The following CRB1 variants were observed in gnomAD, a reference collection of about 807,000 sequenced individuals.
CRB1 encodes the protein protein crumbs homolog 1.
In CRB1, 83 loss-of-function variants were observed where a neutral mutation model predicts 120.0. The observed-to-expected ratio is 0.69, with a 90% CI of 0.58 to 0.83. The LOEUF (loss-of-function observed/expected upper bound fraction) is 0.83. Ranked by LOEUF, CRB1 falls within the 40% of genes least tolerant of loss-of-function variation. The pLI is 0.00. For missense variants in CRB1, 1,699 were observed against 1,687.6 expected (o/e 1.01, Z -0.12); for synonymous variants, 625 against 612.5 (o/e 1.02, Z -0.30).
chr1:197,288,614 A>C (rs1655974339), intron 1 of CRB1, among the ~76,000 whole-genome samples: 1 of 151,914 alleles, frequency 6.6e-6, no homozygotes, highest in Non-Finnish European at 1.5e-5. Context: ...ATGTTCAAAA[A>C]GTTAAGTAGA....
In CRB1 at chr1:197,356,922, GAAAC is replaced by G; in HGVS notation, c.1083_1086del (p.Lys361AsnfsTer90). The G allele has an allele frequency of 6.2e-7, 1 of 1,614,228 alleles. No individual in the cohort carries two copies. Among genetic ancestry groups the G allele is most frequent in the Non-Finnish European group, 8.5e-7 (1 of 1,180,040 alleles). On this transcript the variant is annotated frameshift_variant, in exon 5 of 12. Coordinates refer to ENST00000367400, the MANE Select transcript of CRB1 (RefSeq NM_201253.3). LOFTEE classifies it high-confidence loss of function. Reference sequence around the variant, plus strand: ...GGGAATGTGTGGAGCTGTCCTCAGAGAAACAATATGGACGCATCACTGGACTGCC... The same window carrying G: ...GGGAATGTGTGGAGCTGTCCTCAGAGAATATGGACGCATCACTGGACTGCC...
At chr1:197,304,711 T>G (rs1228982621) in intron 1 of CRB1, among the ~76,000 whole-genome samples, 1 of 152,250 alleles carries the variant, frequency 6.6e-6, no homozygotes, top group Non-Finnish European at 1.5e-5. Context: ...TTTGGCTACA[T>G]CTACAGGCTT....
chr1:197,303,339 G>A (rs1405917213), intron 1 of CRB1, among the ~76,000 whole-genome samples: 1 of 129,488 alleles, frequency 7.7e-6, no homozygotes, highest in Admixed American at 9.4e-5. Context: ...GTGTCCATGT[G>A]TTCTCATTGT....
At chr1:197,279,468 G>C (rs1655400119) in intron 1 of CRB1, among the ~76,000 whole-genome samples, 1 of 150,470 alleles carries the variant, frequency 6.6e-6, no homozygotes, top group South Asian at 2.1e-4. Context: ...AATAATTATA[G>C]ATGTAAATAT....
At chr1:197,248,709 A>G in the CRB1 span, among the ~76,000 whole-genome samples, 1 of 152,074 alleles carries the variant, frequency 6.6e-6, no homozygotes, top group African/African-American at 2.4e-5. Context: ...TTGTCTACAT[A>G]CTGGCCAGCT....
At chr1:197,296,692 C>T (rs190916864) in intron 1 of CRB1, among the ~76,000 whole-genome samples, 1 of 152,098 alleles carries the variant, frequency 6.6e-6, no homozygotes, top group Admixed American at 6.6e-5. Context: ...ATTGTAGCTC[C>T]GATAATTCCC....
At chr1:197,427,368 A>C (rs1664636073) in intron 6 of CRB1, 86 bp from the exon 7 acceptor site, 4 of 1,084,292 alleles carry the variant, frequency 3.7e-6, no homozygotes, top group Middle Eastern at 5.6e-4. Context: ...TGTGAAATGT[A>C]TAATTTTCGT....
At chr1:197,205,386 G>A in the CRB1 span, among the ~76,000 whole-genome samples, 1 of 152,148 alleles carries the variant, frequency 6.6e-6, no homozygotes, top group Non-Finnish European at 1.5e-5. Context: ...CTGTGAATTT[G>A]TCATAGACAG....
chr1:197,354,833 CCCCCGCCCA>C (rs1176452227), intron 4 of CRB1, among the ~76,000 whole-genome samples: 36 of 14,630 alleles, frequency 2.5e-3, no homozygotes, highest in African/African-American at 4.9e-3. Context: ...CCACCCCCCC[CCCCCGCCCA>C]CCCCCCCCCC....
At chr1:197,296,505 A>G (rs1429996411) in intron 1 of CRB1, among the ~76,000 whole-genome samples, 3 of 152,068 alleles carry the variant, frequency 2.0e-5, no homozygotes, top group Non-Finnish European at 4.4e-5. Context: ...CTACAGATCC[A>G]GAAGTCAGTT....
chr1:197,463,352 C>T (rs746467196), intron 11 of CRB1, among the ~76,000 whole-genome samples: 10 of 152,024 alleles, frequency 6.6e-5, no homozygotes, highest in Non-Finnish European at 1.0e-4. Context: ...TTCTCACATG[C>T]AAAGTCCAAA....
At chr1:197,298,454 G>A in intron 1 of CRB1, among the ~76,000 whole-genome samples, 1 of 152,076 alleles carries the variant, frequency 6.6e-6, no homozygotes. Flanking sequence ...AATGCTTCAG[G>A]CGAGAGGAAC....
chr1:197,260,854 G>A, the CRB1 span, among the ~76,000 whole-genome samples: 19 of 152,056 alleles, frequency 1.2e-4, no homozygotes, highest in Non-Finnish European at 8.8e-5. Context: ...GCATGACCAC[G>A]CCCAACTAAT....
intron 5 of CRB1, among the ~76,000 whole-genome samples, chr1:197,388,349 T>A (rs1165208449): frequency 6.6e-6 from 1 of 151,982 alleles, no homozygotes; most frequent in Non-Finnish European, 1.5e-5. Flanking sequence ...AACAATGTCA[T>A]CATTATATCC....
intron 5 of CRB1, among the ~76,000 whole-genome samples, chr1:197,406,353 T>C (rs1007696237): frequency 6.6e-6 from 1 of 152,100 alleles, no homozygotes; most frequent in African/African-American, 2.4e-5. Context: ...AAGATGTGCT[T>C]TGTTAAACAG....
intron 1 of CRB1, among the ~76,000 whole-genome samples, chr1:197,319,575 G>T (rs1301361149): frequency 6.6e-6 from 1 of 151,256 alleles, no homozygotes; most frequent in Non-Finnish European, 1.5e-5. Flanking sequence ...AAACTAGTTT[G>T]TCTGTGTAAT....
intron 11 of CRB1, among the ~76,000 whole-genome samples, chr1:197,472,129 A>G (rs1200293463): frequency 6.6e-6 from 1 of 152,224 alleles, no homozygotes; most frequent in African/African-American, 2.4e-5. Flanking sequence ...ACACACACAG[A>G]CACAACTAGT....
At chr1:197,341,742 C>G (rs1244580989) in intron 2 of CRB1, among the ~76,000 whole-genome samples, 1 of 152,164 alleles carries the variant, frequency 6.6e-6, no homozygotes, top group Non-Finnish European at 1.5e-5. Flanking sequence ...AATCCCATGG[C>G]TTTTGCTGAA....
chr1:197,342,452 T>C (rs1659522676), intron 2 of CRB1, among the ~76,000 whole-genome samples: 2 of 152,226 alleles, frequency 1.3e-5, no homozygotes, highest in Non-Finnish European at 2.9e-5. Context: ...CCCCATTTTC[T>C]ACCTTCTTCT....
Sources: gnomAD v4.1 joint callset for allele counts (sites outside exome capture counted in the v4.1 genomes callset) on GRCh38, gnomAD v4.1.1 for gene constraint, MANE v1.5 for transcripts, NCBI Gene and HGNC (gene_info 2026-07-23, HGNC 2026-07-21) for gene names.